Variants in SLC30A8 observed in about 807,000 individuals in gnomAD.
The protein encoded by SLC30A8 is proton-coupled zinc antiporter SLC30A8.
Under a neutral mutation model 36.9 loss-of-function variants are expected in SLC30A8, and 27 were observed. The observed-to-expected ratio is 0.73, with a 90% CI of 0.54 to 1.01. SLC30A8 has a LOEUF of 1.01. Among genes scored for constraint, SLC30A8 ranks in the 50% least tolerant of loss-of-function variants. The pLI, the probability that SLC30A8 is intolerant of heterozygous loss-of-function variation, is 0.00. For missense variants in SLC30A8, 439 were observed against 452.0 expected (o/e 0.97, Z 0.26); for synonymous variants, 164 against 172.4 (o/e 0.95, Z 0.38).
chr8:117,050,921 C>T (rs1271272634), intron 2 of SLC30A8, among the ~76,000 whole-genome samples: 2 of 152,182 alleles, frequency 1.3e-5, no homozygotes, highest in East Asian at 3.9e-4. Context: ...TTGAATGAGC[C>T]ACCTGATTGA....
intron 1 of SLC30A8, among the ~76,000 whole-genome samples, chr8:116,953,287 A>G (rs2130572757): frequency 6.6e-6 from 1 of 152,218 alleles, no homozygotes; most frequent in East Asian, 1.9e-4. Flanking sequence ...GATGGGCATC[A>G]AGGTTGATTC....
intron 1 of SLC30A8, among the ~76,000 whole-genome samples, chr8:117,031,507 T>A (rs1051141142): frequency 2.6e-5 from 4 of 151,968 alleles, no homozygotes; most frequent in African/African-American, 9.7e-5. Flanking sequence ...TTGCCCAGGC[T>A]GGAGTGCAAT....
At chr8:117,032,268 TTG>T (rs1817078787) in intron 1 of SLC30A8, among the ~76,000 whole-genome samples, 3 of 152,226 alleles carry the variant, frequency 2.0e-5, no homozygotes, top group Non-Finnish European at 4.4e-5. Flanking sequence ...GTATGATTAT[TTG>T]CTTATCATCT....
chr8:117,017,428 T>C (rs758906718), intron 1 of SLC30A8, among the ~76,000 whole-genome samples: 1 of 152,222 alleles, frequency 6.6e-6, no homozygotes, highest in African/African-American at 2.4e-5. Context: ...ATTTCATTTC[T>C]GTATTTTCTA....
intron 2 of SLC30A8, among the ~76,000 whole-genome samples, chr8:117,059,861 G>C (rs958700625): frequency 2.0e-5 from 3 of 152,156 alleles, no homozygotes; most frequent in African/African-American, 7.2e-5. Flanking sequence ...GGATGGATTA[G>C]AGTGGGTGAA....
chr8:116,993,196 G>A (rs1815704740), intron 1 of SLC30A8, among the ~76,000 whole-genome samples: 1 of 151,170 alleles, frequency 6.6e-6, no homozygotes, highest in Non-Finnish European at 1.5e-5. Flanking sequence ...GATTATAGAA[G>A]CTCTGCAGTG....
At chr8:117,085,976 A>T (rs531961965) in intron 2 of SLC30A8, among the ~76,000 whole-genome samples, 2 of 152,320 alleles carry the variant, frequency 1.3e-5, no homozygotes, top group South Asian at 2.1e-4. Flanking sequence ...TGATGGATAA[A>T]CTGACAAGTT....
intron 1 of SLC30A8, among the ~76,000 whole-genome samples, chr8:117,136,945 ATTAT>A (rs766129029): frequency 2.6e-5 from 4 of 152,028 alleles, no homozygotes; most frequent in Non-Finnish European, 5.9e-5. Flanking sequence ...TCTGGAAGAG[ATTAT>A]TTATCTCGAT....
At chr8:117,063,859 G>C (rs892420298) in intron 2 of SLC30A8, among the ~76,000 whole-genome samples, 8 of 152,150 alleles carry the variant, frequency 5.3e-5, no homozygotes, top group Admixed American at 1.3e-4. Context: ...ATACCAGAGA[G>C]GTATTAGATG....
chr8:117,112,039 C>T (rs1443473796), intron 2 of SLC30A8, among the ~76,000 whole-genome samples: 5 of 152,050 alleles, frequency 3.3e-5, no homozygotes, highest in Non-Finnish European at 5.9e-5. Context: ...CTGGGCTATG[C>T]GTCCCTCTGT....
At chr8:117,097,132 G>C (rs1343248983) in intron 2 of SLC30A8, among the ~76,000 whole-genome samples, 1 of 151,640 alleles carries the variant, frequency 6.6e-6, no homozygotes, top group Non-Finnish European at 1.5e-5. Context: ...GCGTGTAGTG[G>C]CTCACGCCTG....
chr8:117,087,315 A>T (rs1818916771), intron 2 of SLC30A8, among the ~76,000 whole-genome samples: 1 of 152,086 alleles, frequency 6.6e-6, no homozygotes, highest in Admixed American at 6.6e-5. Context: ...AGCAGATGAT[A>T]GTTAGGTATT....
rs549553932 is a variant in SLC30A8 at position 117,085,256 on chromosome 8, G to A, written c.-226+45998G>A. On this transcript the variant is annotated intron_variant, in intron 2 of 10. Transcript: ENST00000427715. Reference sequence around the variant, plus strand: ...TTAAGGTGGGAAAAACTAAAGATTAGTTCTCTTAAGATCATACCATTATTA... The same window carrying A: ...TTAAGGTGGGAAAAACTAAAGATTAATTCTCTTAAGATCATACCATTATTA... 7.9e-5 allele frequency among the ~76,000 whole-genome samples: 12 copies of A among 152,196 alleles called. 1 individual carries two copies. The South Asian group carries it at 2.5e-3, about 32-fold the overall frequency.
intron 1 of SLC30A8, among the ~76,000 whole-genome samples, chr8:116,969,020 C>G (rs368877727): frequency 1.2e-4 from 18 of 152,088 alleles, no homozygotes; most frequent in Non-Finnish European, 7.4e-5. Context: ...AAGCATGAGC[C>G]AATGTGCCCA....
intron 1 of SLC30A8, among the ~76,000 whole-genome samples, chr8:116,992,899 T>A (rs1248038053): frequency 6.6e-6 from 1 of 152,204 alleles, no homozygotes; most frequent in East Asian, 1.9e-4. Context: ...ATGCTTTTTC[T>A]CTGACAGAGT....
chr8:116,989,169 C>T (rs1815546654), intron 1 of SLC30A8, among the ~76,000 whole-genome samples: 2 of 152,160 alleles, frequency 1.3e-5, no homozygotes, highest in Non-Finnish European at 1.5e-5. Context: ...ATGTGCTGTA[C>T]AGCTTTAATT....
intron 1 of SLC30A8, among the ~76,000 whole-genome samples, chr8:117,026,455 A>G (rs1402526159): frequency 6.6e-6 from 1 of 152,152 alleles, no homozygotes; most frequent in Non-Finnish European, 1.5e-5. Flanking sequence ...ATTCTTGTGT[A>G]AGAGTTTTTA....
intron 1 of SLC30A8, among the ~76,000 whole-genome samples, chr8:116,955,157 G>A (rs946346375): frequency 5.3e-5 from 8 of 152,176 alleles, no homozygotes; most frequent in South Asian, 2.1e-4. Flanking sequence ...TGGTGTATTG[G>A]GTTGAATAGT....
At chr8:117,115,243 CTTCT>C (rs1361492035) in intron 2 of SLC30A8, among the ~76,000 whole-genome samples, 1 of 151,910 alleles carries the variant, frequency 6.6e-6, no homozygotes, top group African/African-American at 2.4e-5. Flanking sequence ...CTCATCTAAC[CTTCT>C]TTGTCTTCTT....
Sources: allele counts gnomAD v4.1 joint callset (sites outside exome capture counted in the v4.1 genomes callset), GRCh38; gene constraint gnomAD v4.1.1; transcripts MANE v1.5; gene names NCBI Gene and HGNC (gene_info 2026-07-23, HGNC 2026-07-21).